RERE: variants seen among roughly 807,000 people sequenced by gnomAD.
RERE encodes arginine-glutamic acid dipeptide repeats, also known as arginine-glutamic acid dipeptide repeats protein.
A neutral mutation model predicts 146.1 loss-of-function variants in RERE; 40 were observed. The ratio of observed to expected loss-of-function variants is 0.27; its 90% CI spans 0.21 to 0.36. The LOEUF (loss-of-function observed/expected upper bound fraction) is 0.36, where lower values mean the gene tolerates loss of function less well. RERE is among the 10% of genes least tolerant of loss of function. The pLI is 1.00. For missense variants in RERE, 1,933 were observed against 2,138.7 expected (o/e 0.90, Z 1.90); for synonymous variants, 1,003 against 866.0 (o/e 1.16, Z -2.78).
chr1:8,799,903 C>T (rs1641554436), intron 1 of RERE, among the ~76,000 whole-genome samples: 1 of 151,908 alleles, frequency 6.6e-6, no homozygotes. Context: ...CCTCCATCTC[C>T]CAAGTTCAAG....
chr1:8,597,882 T>C (rs1334833260), intron 4 of RERE, among the ~76,000 whole-genome samples: 1 of 152,164 alleles, frequency 6.6e-6, no homozygotes, highest in East Asian at 1.9e-4. Context: ...CAGCTGTGAC[T>C]GTGAGGATGG....
At chr1:8,402,672 G>A (rs184910262) in intron 12 of RERE, among the ~76,000 whole-genome samples, 2 of 152,228 alleles carry the variant, frequency 1.3e-5, no homozygotes, top group Admixed American at 1.3e-4. Context: ...GCTTGGTGAA[G>A]GGAGAGATTG....
rs571678094 is a variant in RERE at position 8,556,188 on chromosome 1, A to C, written c.725+287T>G. Among the ~76,000 whole-genome samples the C allele has an allele frequency of 2.6e-5, 4 of 152,160 alleles. No individual in the cohort carries two copies. In the South Asian group the frequency reaches 8.3e-4, roughly 32 times the overall value. Reference sequence around the variant, plus strand: ...TCACCCACATACTTCAGCAAACAATACCAGGATAATAATTTCCAAGGAAAT... The same window carrying C: ...TCACCCACATACTTCAGCAAACAATCCCAGGATAATAATTTCCAAGGAAAT... On this transcript the variant is annotated intron_variant, in intron 6 of 22. Coordinates refer to ENST00000400908, the MANE Select transcript of RERE (RefSeq NM_001042681.2).
At chr1:8,722,549 T>A (rs1639883831) in intron 1 of RERE, among the ~76,000 whole-genome samples, 1 of 152,156 alleles carries the variant, frequency 6.6e-6, no homozygotes, top group African/African-American at 2.4e-5. Context: ...GGCCTTCATA[T>A]CCCTGGGTTC....
chr1:8,789,301 AATAT>A (rs1553149622), intron 1 of RERE, among the ~76,000 whole-genome samples: 4 of 24,810 alleles, frequency 1.6e-4, no homozygotes, highest in African/African-American at 4.6e-4. Flanking sequence ...AAAAAAAAAA[AATAT>A]ATATATATAT....
chr1:8,767,253 G>A (rs1026072339), intron 1 of RERE, among the ~76,000 whole-genome samples: 2 of 152,178 alleles, frequency 1.3e-5, no homozygotes, highest in African/African-American at 4.8e-5. Flanking sequence ...GGAACGGAAG[G>A]ATGGGTGGTA....
rs183679939 is a variant in RERE at position 8,757,806 on chromosome 1, C to A, written c.-145+59354G>T. The stretch of plus-strand genomic sequence containing the variant: ...TTTATTTACTATCCATATAAGGACG[C>A]AAAATGGTATTCCTAACAGCCAATA... On this transcript the variant is annotated intron_variant, in intron 1 of 22. Coordinates refer to ENST00000400908, the MANE Select transcript of RERE (RefSeq NM_001042681.2). 1.2e-3 allele frequency among the ~76,000 whole-genome samples: 179 copies of A among 152,056 alleles called. 1 individual carries two copies. Among genetic ancestry groups the A allele is most frequent in the Non-Finnish European group, 2.0e-3 (134 of 67,992 alleles).
chr1:8,688,466 CAGA>C (rs1639138357), intron 1 of RERE, among the ~76,000 whole-genome samples: 2 of 151,888 alleles, frequency 1.3e-5, no homozygotes, highest in Admixed American at 1.3e-4. Context: ...GAGGCTGAGG[CAGA>C]AGAATCCCTT....
At chr1:8,574,745 T>C (rs1409395382) in intron 4 of RERE, among the ~76,000 whole-genome samples, 1 of 152,228 alleles carries the variant, frequency 6.6e-6, no homozygotes, top group African/African-American at 2.4e-5. Flanking sequence ...TAATCTGTGA[T>C]GGCAGAGCTC....
intron 12 of RERE, among the ~76,000 whole-genome samples, chr1:8,401,198 GA>G (rs1455432504): frequency 6.6e-6 from 1 of 151,230 alleles, no homozygotes; most frequent in East Asian, 1.9e-4. Flanking sequence ...ATGCAACTAT[GA>G]AAACAAATGC....
chr1:8,655,551 T>C (rs1638259415), intron 2 of RERE, among the ~76,000 whole-genome samples: 1 of 152,176 alleles, frequency 6.6e-6, no homozygotes, highest in African/African-American at 2.4e-5. Flanking sequence ...TGGTCGATCC[T>C]GTCCCAAGGT....
intron 1 of RERE, among the ~76,000 whole-genome samples, chr1:8,676,363 A>G (rs1238957983): frequency 1.3e-5 from 2 of 152,188 alleles, no homozygotes; most frequent in African/African-American, 4.8e-5. Flanking sequence ...CTTTCTTTTC[A>G]CCTTAGAGAC....
chr1:8,733,199 T>C (rs1640128309), intron 1 of RERE, among the ~76,000 whole-genome samples: 1 of 152,108 alleles, frequency 6.6e-6, no homozygotes, highest in African/African-American at 2.4e-5. Context: ...GAGTGAGTGT[T>C]GGGAGTCACT....
intron 10 of RERE, among the ~76,000 whole-genome samples, chr1:8,473,137 A>G (rs1644710474): frequency 6.6e-6 from 1 of 152,156 alleles, no homozygotes; most frequent in Non-Finnish European, 1.5e-5. Context: ...TGCTCCATGG[A>G]ATCCTCTGAG....
intron 8 of RERE, among the ~76,000 whole-genome samples, chr1:8,503,642 AT>A (rs1645211551): frequency 6.6e-6 from 1 of 152,220 alleles, no homozygotes; most frequent in Non-Finnish European, 1.5e-5. Flanking sequence ...ATATTATGTT[AT>A]TATTTATCTA....
intron 4 of RERE, among the ~76,000 whole-genome samples, chr1:8,592,610 A>T (rs749977954): frequency 1.3e-5 from 2 of 151,748 alleles, no homozygotes; most frequent in Non-Finnish European, 2.9e-5. Context: ...TGGCTGGTGC[A>T]GTGGTTCACG....
intron 12 of RERE, among the ~76,000 whole-genome samples, chr1:8,386,702 G>T (rs1455063957): frequency 6.6e-6 from 1 of 151,794 alleles, no homozygotes; most frequent in Non-Finnish European, 1.5e-5. Flanking sequence ...TAGTAACCAG[G>T]GAAATACAAA....
At chr1:8,473,996 T>G (rs1644723260) in intron 10 of RERE, among the ~76,000 whole-genome samples, 1 of 152,232 alleles carries the variant, frequency 6.6e-6, no homozygotes. Context: ...TCCTCCTGAT[T>G]AGCAGAAAGA....
intron 5 of RERE, among the ~76,000 whole-genome samples, chr1:8,557,139 C>A (rs1646017542): frequency 6.6e-6 from 1 of 152,056 alleles, no homozygotes; most frequent in South Asian, 2.1e-4. Flanking sequence ...CAGGGCCAGG[C>A]AAAGTTTGAT....
Sources: allele counts gnomAD v4.1 joint callset (sites outside exome capture counted in the v4.1 genomes callset), GRCh38; gene constraint gnomAD v4.1.1; transcripts MANE v1.5; gene names NCBI Gene and HGNC (gene_info 2026-07-23, HGNC 2026-07-21).